RGS6: variants seen among roughly 807,000 people sequenced by gnomAD.
RGS6 encodes the protein regulator of G-protein signaling 6.
Under a neutral mutation model 78.5 loss-of-function variants are expected in RGS6, and 30 were observed. That is an observed-to-expected ratio of 0.38 (90% confidence interval 0.29 to 0.52). The LOEUF is 0.52. RGS6 is among the 20% of genes least tolerant of loss of function. The pLI is 0.85. For synonymous variants in RGS6, 206 were observed against 206.0 expected (o/e 1.00, Z 0.00); for missense variants, 495 against 609.7 (o/e 0.81, Z 1.98).
chr14:72,569,749 C>T (rs1359643216), downstream of RGS6, among the ~76,000 whole-genome samples: 1 of 152,154 alleles, frequency 6.6e-6, no homozygotes, highest in Non-Finnish European at 1.5e-5. Context: ...CACTATGTGA[C>T]CTTAGCCCAT....
At chr14:72,023,636 G>A (rs1436861749) in intron 2 of RGS6, among the ~76,000 whole-genome samples, 2 of 152,216 alleles carry the variant, frequency 1.3e-5, no homozygotes, top group East Asian at 3.8e-4. Flanking sequence ...AAAGAGAAAT[G>A]TTCAGAGGCA....
chr14:72,608,267 A>G, the RGS6 span, among the ~76,000 whole-genome samples: 2 of 152,042 alleles, frequency 1.3e-5, no homozygotes, highest in African/African-American at 4.8e-5. Context: ...TCTAAAATTT[A>G]TTTTTGGGAG....
At chr14:72,602,459 G>C in the RGS6 span, among the ~76,000 whole-genome samples, 1 of 152,158 alleles carries the variant, frequency 6.6e-6, no homozygotes, top group Non-Finnish European at 1.5e-5. Context: ...GCTCATGGAG[G>C]TTATGTAGCA....
rs187630462 is a variant in RGS6, at chr14:72,231,992, C to T, written c.85-120103C>T. 3.9e-4 allele frequency among the ~76,000 whole-genome samples: 60 copies of T among 152,096 alleles called. 1 individual carries two copies. In the East Asian group the frequency reaches 6.4e-3, roughly 16 times the overall value. On this transcript the variant is annotated intron_variant, in intron 2 of 17. Coordinates refer to ENST00000553525, the MANE Select transcript of RGS6 (RefSeq NM_001204424.2). ...AGTGACAAGGTTCTTCTCTAAGGGC[C>T]GTTTTGGAGGCCGTATGAGGCTGTA...
chr14:72,299,154 A>T (rs2152391857), intron 2 of RGS6, among the ~76,000 whole-genome samples: 1 of 152,316 alleles, frequency 6.6e-6, no homozygotes, highest in Non-Finnish European at 1.5e-5. Flanking sequence ...CTCACATATA[A>T]CACAGTTTAC....
At chr14:72,024,672 A>G (rs2089473893) in intron 2 of RGS6, among the ~76,000 whole-genome samples, 1 of 152,204 alleles carries the variant, frequency 6.6e-6, no homozygotes, top group Non-Finnish European at 1.5e-5. Flanking sequence ...CAAGATGGGC[A>G]TAAATGAACA....
the RGS6 span, among the ~76,000 whole-genome samples, chr14:71,915,094 CA>C: frequency 0.013 from 1,707 of 127,818 alleles, 8 homozygotes; most frequent in Middle Eastern, 0.028. Context: ...GTAAACATAA[CA>C]AAAAAAAAAA....
chr14:72,138,474 T>TTTTTTTTTG (rs398043828), intron 2 of RGS6, among the ~76,000 whole-genome samples: 1 of 144,152 alleles, frequency 6.9e-6, no homozygotes, highest in Non-Finnish European at 1.5e-5. Flanking sequence ...TTTTTTTTTT[T>TTTTTTTTTG]ACTTTCTTGG....
intron 2 of RGS6, among the ~76,000 whole-genome samples, chr14:72,185,609 G>A (rs1171101070): frequency 6.6e-6 from 1 of 152,184 alleles, no homozygotes; most frequent in African/African-American, 2.4e-5. Flanking sequence ...TGAAGTAGAT[G>A]TAACTGATAC....
chr14:71,896,474 TG>T, the RGS6 span, among the ~76,000 whole-genome samples: 13 of 152,292 alleles, frequency 8.5e-5, no homozygotes, highest in African/African-American at 3.1e-4. Flanking sequence ...ATCTTGGTTT[TG>T]GTGGGTTTCG....
At chr14:72,006,654 G>T (rs746254488) in intron 2 of RGS6, among the ~76,000 whole-genome samples, 2 of 152,290 alleles carry the variant, frequency 1.3e-5, no homozygotes, top group Admixed American at 6.5e-5. Flanking sequence ...AAGAAACTCT[G>T]AGTCAAAACC....
intron 2 of RGS6, among the ~76,000 whole-genome samples, chr14:72,131,864 C>G (rs774644175): frequency 2.0e-5 from 3 of 152,206 alleles, no homozygotes; most frequent in Non-Finnish European, 2.9e-5. Flanking sequence ...AGAATGCTTA[C>G]TAGAAGCCCA....
At chr14:72,418,433 C>G (rs2093971591) in intron 3 of RGS6, among the ~76,000 whole-genome samples, 1 of 152,168 alleles carries the variant, frequency 6.6e-6, no homozygotes, top group Non-Finnish European at 1.5e-5. Context: ...TCCCAAAGTG[C>G]TAGGATTACA....
chr14:72,106,660 C>A (rs1316172366), intron 2 of RGS6, among the ~76,000 whole-genome samples: 2 of 152,220 alleles, frequency 1.3e-5, no homozygotes, highest in East Asian at 3.8e-4. Context: ...TAGCCGCAAT[C>A]ATTTAGTCTT....
chr14:72,416,005 A>T (rs2332833), intron 3 of RGS6, among the ~76,000 whole-genome samples: 1 of 151,698 alleles, frequency 6.6e-6, no homozygotes, highest in African/African-American at 2.4e-5. Context: ...AAAATTAGCC[A>T]GGTGGGGTGT....
intron 3 of RGS6, among the ~76,000 whole-genome samples, chr14:72,450,987 C>G (rs939467413): frequency 6.6e-6 from 1 of 152,218 alleles, no homozygotes; most frequent in Non-Finnish European, 1.5e-5. Flanking sequence ...CTGCCACGGG[C>G]TGGAGGCTTG....
At chr14:72,180,829 T>C (rs867650180) in intron 2 of RGS6, among the ~76,000 whole-genome samples, 1 of 152,232 alleles carries the variant, frequency 6.6e-6, no homozygotes, top group African/African-American at 2.4e-5. Flanking sequence ...TTCTCTTGTT[T>C]CATGTGCTTG....
intron 2 of RGS6, among the ~76,000 whole-genome samples, chr14:71,982,108 G>A (rs576020630): frequency 3.2e-4 from 48 of 151,932 alleles, no homozygotes; most frequent in Non-Finnish European, 5.3e-4. Flanking sequence ...GACCCCTTGC[G>A]CTTCCCGAGT....
intron 17 of RGS6, chr14:72,553,408 C>G (rs1274337201): frequency 6.6e-6 from 1 of 152,648 alleles, no homozygotes; most frequent in Non-Finnish European, 1.5e-5. Flanking sequence ...TCCTTCTGCA[C>G]AGAAGGTGTT....
Sources: allele counts gnomAD v4.1 joint callset (sites outside exome capture counted in the v4.1 genomes callset), GRCh38; gene constraint gnomAD v4.1.1; transcripts MANE v1.5; gene names NCBI Gene and HGNC (gene_info 2026-07-23, HGNC 2026-07-21).